The following VSIG10 variants were observed in gnomAD, a reference collection of about 807,000 sequenced individuals.
VSIG10 encodes the protein V-set and immunoglobulin domain containing 10, also known as V-set and immunoglobulin domain-containing protein 10.
Under a neutral mutation model 58.7 loss-of-function variants are expected in VSIG10, and 48 were observed. That is an observed-to-expected ratio of 0.82 (90% CI 0.65 to 1.04). The LOEUF is 1.04. VSIG10 is among the 50% of genes least tolerant of loss of function. The pLI is 0.00. For synonymous variants in VSIG10, 260 were observed against 267.1 expected (o/e 0.97, Z 0.26); for missense variants, 628 against 670.0 (o/e 0.94, Z 0.69).
chr12:118,095,677 G>A lies in VSIG10; in HGVS notation c.217C>T (p.Leu73Phe). 2 of 1,613,968 alleles carry A rather than the reference G, an allele frequency of 1.2e-6. No individual in the cohort carries two copies. Among genetic ancestry groups the A allele is most frequent in the Non-Finnish European group, 1.7e-6 (2 of 1,179,906 alleles). The part of the protein sequence containing the change: ...PVFLLSSNSS[L>F]RPAEPRFSLV... Reference sequence around the variant, plus strand: ...GAGAAGCGAGGCTCAGCTGGCCGGAGGCTAGAGTTGGACGAGAGAAGGAAG... The same window carrying A: ...GAGAAGCGAGGCTCAGCTGGCCGGAAGCTAGAGTTGGACGAGAGAAGGAAG... The change falls in exon 2 of 9, where the codon CTC becomes TTC. Residue 73 changes from leucine (L) to phenylalanine (F), a missense_variant. Transcript: ENST00000359236.
intron 7 of VSIG10, among the ~76,000 whole-genome samples, chr12:118,070,136 C>A (rs2032427169): frequency 6.6e-6 from 1 of 152,116 alleles, no homozygotes; most frequent in Admixed American, 6.5e-5. Flanking sequence ...GAGTACTCTG[C>A]TCCCACCCAG....
intron 2 of VSIG10, among the ~76,000 whole-genome samples, chr12:118,090,705 T>C (rs2033268688): frequency 6.6e-6 from 1 of 152,098 alleles, no homozygotes; most frequent in Admixed American, 6.6e-5. Flanking sequence ...CAGGATGGAG[T>C]GCAGTGGTGT....
chr12:118,073,470 C>T (rs571686985), intron 5 of VSIG10, among the ~76,000 whole-genome samples: 78 of 151,940 alleles, frequency 5.1e-4, no homozygotes, highest in African/African-American at 1.7e-3. Context: ...GATATCTATT[C>T]GTTGGTGTGT....
Position 118,071,348 on chromosome 12 carries a change from G to C in VSIG10, c.1330+11C>G, listed in dbSNP as rs761989012. ...CTGGAAGAGAAGCTAAAGGACCCAG[G>C]GAGTCCTTACCTTTCCAGCAGAACA... On this transcript the variant is annotated intron_variant, in intron 6 of 8. Transcript: ENST00000359236. 1.9e-6 allele frequency: 3 copies of C among 1,609,746 alleles called. No individual in the cohort carries two copies.
At position 118,066,473 on chromosome 12, in the gene VSIG10, G is replaced by A. The variant is rs2032249207; in HGVS notation, c.*166C>T. 1 of 697,624 alleles carries A rather than the reference G, an allele frequency of 1.4e-6. No individual in the cohort carries two copies. The highest frequency in any genetic ancestry group is 2.6e-6 in the Non-Finnish European group (1 of 391,782). 43.2% of individuals were successfully genotyped at this position (697,624 alleles called of 1,614,324 possible). The stretch of plus-strand genomic sequence containing the variant: ...ATCAAACCAATGTTTTTCAATACAT[G>A]GAAGGAAAGATGTGTGTGCTTGGTT... On this transcript the variant is annotated 3_prime_UTR_variant, in exon 9 of 9. Transcript: ENST00000359236.
chr12:118,073,878 T>C lies in VSIG10; in HGVS notation c.1040A>G (p.Asn347Ser). The C allele has an allele frequency of 6.2e-7, 1 of 1,613,810 alleles. No homozygotes were observed. Among genetic ancestry groups the C allele is most frequent in the East Asian group, 2.2e-5 (1 of 44,860 alleles). ...YPPAKILWLR[N>S]LTQPEVIIQP... ...GATGATCACCTCGGGCTGGGTAAGGTTCCTCAGCCACAGGATCTTGGCAGG... is the reference window on the plus strand; with the variant it reads ...GATGATCACCTCGGGCTGGGTAAGGCTCCTCAGCCACAGGATCTTGGCAGG... The change falls in exon 5 of 9, where the codon AAC (asparagine) becomes AGC (serine). Residue 347 changes from asparagine to serine, a missense_variant. Asn to Ser is a conservative substitution (Grantham distance 46). Coordinates refer to ENST00000359236, the MANE Select transcript of VSIG10 (RefSeq NM_019086.6).
Position 118,079,357 on chromosome 12 carries a change from A to G in VSIG10, c.914T>C (p.Met305Thr), listed in dbSNP as rs370644121. ...IVGPESGASC[M>T]VQIRGPSLLS... Reference sequence around the variant, plus strand: ...CAAAACAGACTCACTGATCTGCACCATGCAGCTGGCGCCCGACTCTGGCCC... The same window carrying G: ...CAAAACAGACTCACTGATCTGCACCGTGCAGCTGGCGCCCGACTCTGGCCC... The change falls in exon 4 of 9, where the codon ATG becomes ACG. Residue 305 changes from methionine to threonine, a missense_variant. Physicochemically the swap from Met to Thr is moderately conservative, Grantham distance 81. Coordinates refer to ENST00000359236, the MANE Select transcript of VSIG10 (RefSeq NM_019086.6). The G allele has an allele frequency of 3.1e-5, 50 of 1,613,964 alleles. No individual in the cohort carries two copies. In the South Asian group the frequency reaches 4.8e-4, roughly 16 times the overall value.
chr12:118,066,061 T>A lies in VSIG10; in HGVS notation c.*578A>T, dbSNP rs1161031693. On this transcript the variant is annotated 3_prime_UTR_variant, in exon 9 of 9. Coordinates refer to ENST00000359236, the MANE Select transcript of VSIG10 (RefSeq NM_019086.6). Reference sequence around the variant, plus strand: ...TTCAGGTGTTTCTAACTCCAAAGCCTGAACCAAACTGCCTTCCTCTGATTG... The same window carrying A: ...TTCAGGTGTTTCTAACTCCAAAGCCAGAACCAAACTGCCTTCCTCTGATTG... 1 of 154,300 alleles carries A rather than the reference T, an allele frequency of 6.5e-6. No individual in the cohort carries two copies. The highest frequency in any genetic ancestry group is 2.4e-5 in the African/African-American group (1 of 41,370). 9.6% of individuals were successfully genotyped at this position (154,300 alleles called of 1,614,324 possible). A position where few individuals can be genotyped will look rare whatever the true frequency, so the allele number is the denominator to read the frequency against.
intron 2 of VSIG10, among the ~76,000 whole-genome samples, 157 bp from the exon 3 acceptor site, chr12:118,082,586 C>T (rs2032994266): frequency 6.6e-6 from 1 of 152,144 alleles, no homozygotes; most frequent in Admixed American, 6.6e-5. Flanking sequence ...TGCCCTGATA[C>T]ATTATTTCAT....
At chr12:118,087,674 A>C (rs1344838139) in intron 2 of VSIG10, among the ~76,000 whole-genome samples, 1 of 151,660 alleles carries the variant, frequency 6.6e-6, no homozygotes, top group Non-Finnish European at 1.5e-5. Context: ...TTGTCTCTAC[A>C]AAAAAACTAA....
chr12:118,079,322 CA>C, intron 4 of VSIG10, 23 bp downstream of exon 4: 1 of 1,609,016 alleles, frequency 6.2e-7, no homozygotes, highest in Non-Finnish European at 8.5e-7. Flanking sequence ...ACTCCAACCC[CA>C]AGACAAAGCA....
chr12:118,085,105 G>C (rs1051722895), intron 2 of VSIG10, among the ~76,000 whole-genome samples: 3 of 152,164 alleles, frequency 2.0e-5, no homozygotes, highest in African/African-American at 7.2e-5. Flanking sequence ...CTTCTGACCA[G>C]GCACAAACAA....
rs2032592754 is a variant in VSIG10 at position 118,073,725 on chromosome 12, T to A, written c.1193A>T (p.Glu398Val). ...CRADSPVGVR[E>V]MEIWLSVKEP... is the part of the protein sequence containing the mutation. Reference sequence around the variant, plus strand: ...TTTCACACTCAGCCAGATTTCCATCTCCCTCACCCCTACAGGGCTGTCAGC... The same window carrying A: ...TTTCACACTCAGCCAGATTTCCATCACCCTCACCCCTACAGGGCTGTCAGC... Residue 398 changes from glutamate (E) to valine (V), a missense_variant, in exon 5 of 9, where the codon GAG (glutamate) becomes GTG (valine). By Grantham distance (121) the Glu-to-Val change is moderately radical. Transcript: ENST00000359236. 1.9e-6 allele frequency: 3 copies of A among 1,611,476 alleles called. No homozygotes were observed. Among genetic ancestry groups the A allele is most frequent in the Non-Finnish European group, 2.5e-6 (3 of 1,178,554 alleles).
rs559577403 is a variant in VSIG10 at position 118,103,955 on chromosome 12, A to T, written c.-284T>A. 2.3e-3 allele frequency: 785 copies of T among 342,008 alleles called. 7 individuals carry two copies. The highest frequency in any genetic ancestry group is 2.3e-3 in the Non-Finnish European group (438 of 188,602). The allele number at this position is 342,008 out of a possible 1,614,324, so 21.2% of individuals were successfully genotyped here. A position where few individuals can be genotyped will look rare whatever the true frequency, so the allele number is the denominator to read the frequency against. On this transcript the variant is annotated 5_prime_UTR_variant, in exon 1 of 9. Coordinates refer to ENST00000359236, the MANE Select transcript of VSIG10 (RefSeq NM_019086.6). The stretch of plus-strand genomic sequence containing the variant: ...CGCCAGCCTACTCCTGCCGGCGGAA[A>T]ACAACAGGAGCGGGATCCCTCCCGC...
chr12:118,095,426 T>G, intron 2 of VSIG10, 107 bp downstream of exon 2: 1 of 1,399,828 alleles, frequency 7.1e-7, no homozygotes, highest in Admixed American at 2.0e-5. Context: ...GGGCCCAGAA[T>G]GATTTCCAGG....
chr12:118,083,794 G>A (rs1208072146), intron 2 of VSIG10, among the ~76,000 whole-genome samples: 1 of 152,076 alleles, frequency 6.6e-6, no homozygotes, highest in East Asian at 1.9e-4. Flanking sequence ...GGGATTACAA[G>A]TGTGAGCCAC....
intron 2 of VSIG10, among the ~76,000 whole-genome samples, chr12:118,091,745 A>T (rs993430835): frequency 2.0e-5 from 3 of 151,710 alleles, no homozygotes; most frequent in South Asian, 2.1e-4. Flanking sequence ...TCCCTATTTT[A>T]TTATTATTAT....
intron 2 of VSIG10, among the ~76,000 whole-genome samples, chr12:118,093,307 A>C (rs2033352908): frequency 6.6e-6 from 1 of 151,946 alleles, no homozygotes; most frequent in African/African-American, 2.4e-5. Context: ...TCAAAAAAAA[A>C]AAAAATTCAT....
At chr12:118,077,112 G>T (rs1048224443) in intron 4 of VSIG10, among the ~76,000 whole-genome samples, 1 of 152,188 alleles carries the variant, frequency 6.6e-6, no homozygotes, top group Admixed American at 6.5e-5. Flanking sequence ...CATATCTACT[G>T]GGGGGACACA....
Sources: allele counts gnomAD v4.1 joint callset (sites outside exome capture counted in the v4.1 genomes callset), GRCh38; gene constraint gnomAD v4.1.1; transcripts MANE v1.5; gene names NCBI Gene and HGNC (gene_info 2026-07-23, HGNC 2026-07-21).